Variants in GTPBP1 observed in about 807,000 individuals in gnomAD.
GTPBP1 encodes the protein GTP-binding protein 1.
GTPBP1 carries 23 observed loss-of-function variants against 62.0 expected under a neutral mutation model. The observed-to-expected ratio is 0.37, with a 90% confidence interval of 0.27 to 0.53. The LOEUF is 0.53. GTPBP1 is among the 20% of genes least tolerant of loss of function. The pLI, the probability that GTPBP1 is intolerant of heterozygous loss-of-function variation, is 0.89. For synonymous variants in GTPBP1, 344 were observed against 364.4 expected (o/e 0.94, Z 0.64); for missense variants, 640 against 917.3 (o/e 0.70, Z 3.90).
chr22:38,741,422 G>T, downstream of GTPBP1: 1 of 1,475,702 alleles, frequency 6.8e-7, no homozygotes. Context: ...GAAGGGCCGA[G>T]GGGTCCGAGG....
At chr22:38,735,195 C>G (rs1470970852), downstream of GTPBP1, 1 of 449,572 alleles carries the variant, frequency 2.2e-6, no homozygotes, top group Non-Finnish European at 4.5e-6. Context: ...CCAGCCTCTT[C>G]CCCCAGCCCC....
At chr22:38,722,209 T>C (rs1210385274) in intron 5 of GTPBP1, among the ~76,000 whole-genome samples, 1 of 152,250 alleles carries the variant, frequency 6.6e-6, no homozygotes, top group Non-Finnish European at 1.5e-5. Flanking sequence ...TGAGGGATCA[T>C]GCATGATCAG....
chr22:38,734,422 G>T (rs759487130), downstream of GTPBP1: 10 of 387,800 alleles, frequency 2.6e-5, no homozygotes, highest in Non-Finnish European at 4.8e-5. Flanking sequence ...TTCTGCTGCT[G>T]TTCAGTGGTA....
In GTPBP1 at chr22:38,716,742, C is replaced by T; in HGVS notation, c.576C>T (p.Ala192=). Residue 192 remains alanine (A), a synonymous_variant, in exon 4 of 12, where the codon GCC becomes GCT. Transcript: ENST00000216044. This position sits in a 1 kb window ranked among gnomAD's most constrained non-coding sequence, Gnocchi z 5.2. Reference sequence around the variant, plus strand: ...AGCTGGACAATGGCCGAGGCTTTGCCCGCCAGAAACTCTTCCGCCACAAAC... The same window carrying T: ...AGCTGGACAATGGCCGAGGCTTTGCTCGCCAGAAACTCTTCCGCCACAAAC... The part of the protein sequence containing the change: ...HGELDNGRGF[A]RQKLFRHKHE... 6.2e-7 allele frequency: 1 copy of T among 1,614,164 alleles called. No homozygotes were observed. The highest frequency in any genetic ancestry group is 8.5e-7 in the Non-Finnish European group (1 of 1,180,022).
Position 38,732,599 on chromosome 22 carries a change from G to C in GTPBP1, c.*1895G>C, listed in dbSNP as rs2092766853. 1 of 152,286 alleles carries C rather than the reference G, an allele frequency of 6.6e-6. No individual in the cohort carries two copies. Among genetic ancestry groups the C allele is most frequent in the Admixed American group, 6.5e-5 (1 of 15,288 alleles). 9.4% of individuals were successfully genotyped at this position (152,286 alleles called of 1,614,324 possible). On this transcript the variant is annotated 3_prime_UTR_variant, in exon 12 of 12. Coordinates refer to ENST00000216044, the MANE Select transcript of GTPBP1 (RefSeq NM_004286.5). Reference sequence around the variant, plus strand: ...GCCACCCTGCCACCTCTGTGCCCTGGGCAGGCTCCAAAGGAAAGCTCTGGC... The same window carrying C: ...GCCACCCTGCCACCTCTGTGCCCTGCGCAGGCTCCAAAGGAAAGCTCTGGC...
intron 2 of GTPBP1, among the ~76,000 whole-genome samples, chr22:38,712,429 G>A (rs973311040): frequency 3.3e-5 from 5 of 152,132 alleles, no homozygotes; most frequent in African/African-American, 7.2e-5. Flanking sequence ...AGGAAGGCAG[G>A]GCTCAGATTC....
chr22:38,730,560 G>A lies in GTPBP1; in HGVS notation c.1918-52G>A, dbSNP rs368507879. ...CCGCTGCTCAGCACCTCTGCTCTCT[G>A]GCCCTGCTCCTGATGGGCCAGTGCT... On this transcript the variant is annotated intron_variant, in intron 11 of 11. Transcript: ENST00000216044. This position sits in a 1 kb window ranked among gnomAD's most constrained non-coding sequence, Gnocchi z 5.6. 4.7e-5 allele frequency: 57 copies of A among 1,217,980 alleles called. No homozygotes were observed. Among genetic ancestry groups the A allele is most frequent in the Non-Finnish European group, 6.9e-5 (57 of 830,140 alleles). 75.4% of individuals were successfully genotyped at this position (1,217,980 alleles called of 1,614,324 possible).
rs2092673621 is a variant in GTPBP1 at position 38,716,772 on chromosome 22, A to G, written c.606A>G (p.Glu202=). The G allele has an allele frequency of 6.2e-7, 1 of 1,614,106 alleles. No homozygotes were observed. The highest frequency in any genetic ancestry group is 1.3e-5 in the African/African-American group (1 of 75,012). The change falls in exon 4 of 12, where the codon GAA becomes GAG. Residue 202 remains glutamate, a synonymous_variant. Transcript: ENST00000216044. This position sits in a 1 kb window ranked among gnomAD's most constrained non-coding sequence, Gnocchi z 5.2. ...AGAAACTCTTCCGCCACAAACATGAAATTGAATCTGGTCGCACCAGCAGTG... is the reference window on the plus strand; with the variant it reads ...AGAAACTCTTCCGCCACAAACATGAGATTGAATCTGGTCGCACCAGCAGTG... ...ARQKLFRHKH[E]IESGRTSSVG...
At chr22:38,708,711 A>G (rs2092620698) in intron 1 of GTPBP1, 134 bp from the exon 2 acceptor site, 1 of 624,072 alleles carries the variant, frequency 1.6e-6, no homozygotes, top group Admixed American at 2.6e-5. Flanking sequence ...GAGGGCATGA[A>G]GGGGCTGTGC....
chr22:38,725,692 C>T (rs938099225), intron 6 of GTPBP1: 1 of 313,114 alleles, frequency 3.2e-6, no homozygotes, highest in Non-Finnish European at 6.0e-6. Context: ...GGATTTTAAG[C>T]AAGCATGCGT....
chr22:38,739,605 T>C, downstream of GTPBP1: 15 of 1,357,178 alleles, frequency 1.1e-5, no homozygotes, highest in Non-Finnish European at 1.5e-5. This position sits in a 1 kb window ranked among gnomAD's most constrained non-coding sequence, Gnocchi z 6.7. Flanking sequence ...ATGCAAAGCC[T>C]CCTGCTTGGC....
chr22:38,706,439 G>A (rs956128067), intron 1 of GTPBP1: 1 of 263,708 alleles, frequency 3.8e-6, no homozygotes, highest in South Asian at 1.7e-4. Flanking sequence ...TGGAACGGGG[G>A]CGCCCGATGC....
chr22:38,738,818 G>A, downstream of GTPBP1: 1 of 1,597,604 alleles, frequency 6.3e-7, no homozygotes, highest in South Asian at 1.1e-5. This position sits in a 1 kb window ranked among gnomAD's most constrained non-coding sequence, Gnocchi z 6.6. Context: ...ACCCCAGATG[G>A]GACCAGCCCT....
chr22:38,723,008 A>G (rs1452116945), intron 5 of GTPBP1: 5 of 823,598 alleles, frequency 6.1e-6, no homozygotes, highest in Middle Eastern at 2.2e-4. Flanking sequence ...AGTCTCAGGA[A>G]GTTTGCTCAA....
At chr22:38,738,202 C>T (rs2072797), downstream of GTPBP1, 177,898 of 1,613,644 alleles carry the variant, frequency 0.11, 10,681 homozygotes, top group East Asian at 0.16. This position sits in a 1 kb window ranked among gnomAD's most constrained non-coding sequence, Gnocchi z 6.6. Context: ...ATAGGCTCGC[C>T]GTCCTGATCG....
At chr22:38,739,447 G>C, downstream of GTPBP1, 2 of 1,612,316 alleles carry the variant, frequency 1.2e-6, no homozygotes, top group East Asian at 4.5e-5. This position sits in a 1 kb window ranked among gnomAD's most constrained non-coding sequence, Gnocchi z 6.7. Flanking sequence ...GGCACCAGGA[G>C]ACGGTTGCAG....
In GTPBP1 at chr22:38,730,813, A is replaced by T; in HGVS notation, c.*109A>T. On this transcript the variant is annotated 3_prime_UTR_variant, in exon 12 of 12. Coordinates refer to ENST00000216044, the MANE Select transcript of GTPBP1 (RefSeq NM_004286.5). The surrounding 1 kb of genome is among the most constrained non-coding windows in gnomAD (Gnocchi z 5.6). ...GCCACCCAGCCCTCCCGCTCAGGCC[A>T]CAGCCGGAGCCTCCGCATTGCCCCC... The T allele has an allele frequency of 1.6e-6, 1 of 620,770 alleles. No homozygotes were observed. Among genetic ancestry groups the T allele is most frequent in the Non-Finnish European group, 2.7e-6 (1 of 364,974 alleles). The allele number at this position is 620,770 out of a possible 1,614,324, so 38.5% of individuals were successfully genotyped here.
At chr22:38,714,217 T>A (rs188809549) in intron 2 of GTPBP1, among the ~76,000 whole-genome samples, 1 of 152,174 alleles carries the variant, frequency 6.6e-6, no homozygotes, top group African/African-American at 2.4e-5. Context: ...GGCTGACGCC[T>A]GTAATCCCAG....
chr22:38,723,016 C>T (rs1006597186), intron 5 of GTPBP1: 5 of 814,922 alleles, frequency 6.1e-6, no homozygotes, highest in Non-Finnish European at 6.6e-6. Context: ...GAAGTTTGCT[C>T]AAATCTGACA....
Sources: allele counts gnomAD v4.1 joint callset (sites outside exome capture counted in the v4.1 genomes callset), GRCh38; gene constraint gnomAD v4.1.1; non-coding constraint Gnocchi (gnomAD v3.1); transcripts MANE v1.5; gene names NCBI Gene and HGNC (gene_info 2026-07-23, HGNC 2026-07-21).